XDH: variants seen among roughly 807,000 people sequenced by gnomAD.
The protein encoded by XDH is xanthine dehydrogenase.
A neutral mutation model predicts 156.1 loss-of-function variants in XDH; 138 were observed. The observed-to-expected ratio is 0.88, with a 90% CI of 0.77 to 1.02. XDH has a LOEUF of 1.02. XDH is among the 50% of genes least tolerant of loss of function. XDH has a pLI of 0.00. For synonymous variants in XDH, 669 were observed against 625.7 expected (o/e 1.07, Z -1.03); for missense variants, 1,849 against 1,684.9 (o/e 1.10, Z -1.71).
At chr2:31,348,798 C>A in intron 27 of XDH, 101 bp downstream of exon 27, 1 of 1,068,374 alleles carries the variant, frequency 9.4e-7, no homozygotes, top group Non-Finnish European at 1.4e-6. Context: ...CCAGTAAGCC[C>A]TGTTACCAGT....
At chr2:31,367,842 T>C in intron 20 of XDH, 119 bp downstream of exon 20, 2 of 989,058 alleles carry the variant, frequency 2.0e-6, no homozygotes, top group South Asian at 1.3e-5. Context: ...TAAGAGGGAA[T>C]CTTCTGTCAG....
chr2:31,376,006 T>C (rs1018554172), intron 14 of XDH, among the ~76,000 whole-genome samples: 1 of 152,218 alleles, frequency 6.6e-6, no homozygotes, highest in African/African-American at 2.4e-5. Context: ...CAAGTTAAGC[T>C]TTATTGATCC....
chr2:31,351,497 T>C (rs901048500), intron 24 of XDH, among the ~76,000 whole-genome samples: 4 of 152,186 alleles, frequency 2.6e-5, no homozygotes, highest in Admixed American at 2.6e-4. Context: ...TATTCAGCTG[T>C]TACCTAAGGA....
intron 35 of XDH, among the ~76,000 whole-genome samples, chr2:31,336,971 C>T (rs908857948): frequency 9.3e-5 from 14 of 150,106 alleles, no homozygotes; most frequent in African/African-American, 7.4e-5. Flanking sequence ...CGGAAGCAAC[C>T]GTCCTAGCAA....
chr2:31,337,948 G>A, intron 34 of XDH, 131 bp from the exon 35 acceptor site: 1 of 909,460 alleles, frequency 1.1e-6, no homozygotes, highest in Non-Finnish European at 1.7e-6. Flanking sequence ...AGCACTGATG[G>A]GAGCCACACC....
At chr2:31,340,671 T>C (rs1262188158) in intron 33 of XDH, among the ~76,000 whole-genome samples, 1 of 152,244 alleles carries the variant, frequency 6.6e-6, no homozygotes, top group East Asian at 1.9e-4. Flanking sequence ...AGTTTCGCCA[T>C]GTTGTCCAAG....
At position 31,350,046 on chromosome 2, in the gene XDH, T is replaced by C. The variant is rs750238982; in HGVS notation, c.2809A>G (p.Met937Val). 25 of 1,614,106 alleles carry C rather than the reference T, an allele frequency of 1.5e-5. No homozygotes were observed. In the South Asian group the frequency reaches 2.6e-4, roughly 17 times the overall value. ...TCTCAGCTTACCTCCTCTGCAGGCA[T>C]CCCACAGGTCACTGCAACTTCACTC... Reference protein sequence around the residue: ...WMSEVAVTCGMPAEEVRRKNL... With the variant: ...WMSEVAVTCGVPAEEVRRKNL... Residue 937 changes from methionine to valine, a missense_variant, in exon 25 of 36, where the codon ATG (methionine) becomes GTG (valine). Met to Val is a conservative substitution (Grantham distance 21). Coordinates refer to ENST00000379416, the MANE Select transcript of XDH (RefSeq NM_000379.4).
At chr2:31,389,389 C>T (rs956792090) in intron 6 of XDH, among the ~76,000 whole-genome samples, 5 of 152,210 alleles carry the variant, frequency 3.3e-5, no homozygotes, top group Admixed American at 3.3e-4. Context: ...CCTGCATTCA[C>T]AGCTCCAGCA....
At chr2:31,389,693 G>A (rs1686710858) in intron 6 of XDH, 1 of 152,004 alleles carries the variant, frequency 6.6e-6, no homozygotes, top group South Asian at 2.1e-4. Flanking sequence ...TAATTCATTG[G>A]TGTGTTAATG....
intron 32 of XDH, 59 bp downstream of exon 32, chr2:31,342,124 C>A: frequency 6.8e-7 from 1 of 1,465,550 alleles, no homozygotes; most frequent in South Asian, 1.1e-5. Flanking sequence ...CTAGGTATTA[C>A]AACTCAGTTG....
At chr2:31,406,058 G>T (rs1047003150) in intron 1 of XDH, 94 bp from the exon 2 acceptor site, 48 of 1,346,314 alleles carry the variant, frequency 3.6e-5, no homozygotes, top group Non-Finnish European at 4.4e-5. Flanking sequence ...TCAATAATTT[G>T]TAGAGTTAGT....
intron 1 of XDH, 112 bp from the exon 2 acceptor site, chr2:31,406,076 G>A (rs1158235909): frequency 1.6e-6 from 2 of 1,252,176 alleles, no homozygotes; most frequent in African/African-American, 1.5e-5. Context: ...AGTAGGAAGT[G>A]TGATATAGTT....
chr2:31,339,678 C>G lies in XDH; in HGVS notation c.3586-1G>C. 2 of 1,614,066 alleles carry G rather than the reference C, an allele frequency of 1.2e-6. No individual in the cohort carries two copies. Among genetic ancestry groups the G allele is most frequent in the Non-Finnish European group, 1.7e-6 (2 of 1,180,000 alleles). Reference sequence around the variant, plus strand: ...GGCCCTGGACAAATGCCCCTTCCACCTGCAGGATGGATGGAGAGCACAGTT... The same window carrying G: ...GGCCCTGGACAAATGCCCCTTCCACGTGCAGGATGGATGGAGAGCACAGTT... On this transcript the variant is annotated splice_acceptor_variant, in intron 33 of 35. Coordinates refer to ENST00000379416, the MANE Select transcript of XDH (RefSeq NM_000379.4). LOFTEE classifies it high-confidence loss of function.
In XDH at chr2:31,387,791, G is replaced by A; in HGVS notation, c.651+20C>T. On this transcript the variant is annotated intron_variant, in intron 8 of 35. Coordinates refer to ENST00000379416, the MANE Select transcript of XDH (RefSeq NM_000379.4). The stretch of plus-strand genomic sequence containing the variant: ...TCACAGTACAGACCCGGCTGGATCT[G>A]TCCCTGAGGCATCACCTACCAGCAA... 6.4e-7 allele frequency: 1 copy of A among 1,566,570 alleles called. No homozygotes were observed. The highest frequency in any genetic ancestry group is 1.2e-5 in the South Asian group (1 of 85,108).
intron 14 of XDH, among the ~76,000 whole-genome samples, chr2:31,375,976 G>A (rs970210579): frequency 4.6e-5 from 7 of 152,208 alleles, no homozygotes; most frequent in Admixed American, 6.5e-5. Flanking sequence ...CAGGAATTTC[G>A]GAACCAAGGA....
rs72864274 is a variant in XDH at position 31,394,778 on chromosome 2, T to A, written c.495+2890A>T. ...GGTTTTGAAAGTTTGCATTGTCATA[T>A]CCTCAAGCTCAGAGATTCTTTTCTC... On this transcript the variant is annotated intron_variant, in intron 6 of 35. Coordinates refer to ENST00000379416, the MANE Select transcript of XDH (RefSeq NM_000379.4). Among the ~76,000 whole-genome samples the A allele has an allele frequency of 2.7e-3, 415 of 152,312 alleles. 2 individuals carry two copies. The highest frequency in any genetic ancestry group is 9.4e-3 in the African/African-American group (390 of 41,580).
At chr2:31,371,130 G>A (rs758567001) in intron 17 of XDH, among the ~76,000 whole-genome samples, 19 of 152,290 alleles carry the variant, frequency 1.2e-4, no homozygotes, top group Middle Eastern at 3.4e-3. Context: ...AACACGAACC[G>A]CAAAGGGAGA....
intron 15 of XDH, among the ~76,000 whole-genome samples, chr2:31,375,019 C>CTTTTTTTTT (rs757150117): frequency 7.9e-5 from 8 of 101,236 alleles, no homozygotes; most frequent in South Asian, 3.1e-4. Flanking sequence ...TTCTTTCTTT[C>CTTTTTTTTT]TTTCTTTTTT....
chr2:31,368,485 G>T, intron 19 of XDH, 56 bp downstream of exon 19: 1 of 1,604,982 alleles, frequency 6.2e-7, no homozygotes, highest in Non-Finnish European at 8.5e-7. Flanking sequence ...CCTAATACAT[G>T]CACATCCAGG....
Sources: gnomAD v4.1 joint callset for allele counts (sites outside exome capture counted in the v4.1 genomes callset) on GRCh38, gnomAD v4.1.1 for gene constraint, MANE v1.5 for transcripts, NCBI Gene and HGNC (gene_info 2026-07-23, HGNC 2026-07-21) for gene names.